The following EWSR1 variants were observed in gnomAD, a reference collection of about 807,000 sequenced individuals.
The protein encoded by EWSR1 is EWS RNA binding protein 1, also known as RNA-binding protein EWS.
Under a neutral mutation model 92.1 loss-of-function variants are expected in EWSR1, and 14 were observed. The observed-to-expected ratio is 0.15, with a 90% CI of 0.10 to 0.24. The LOEUF is 0.24. Among genes scored for constraint, EWSR1 ranks in the 10% least tolerant of loss-of-function variants. The pLI is 1.00. For synonymous variants in EWSR1, 303 were observed against 292.9 expected, an observed-to-expected ratio of 1.03 and a Z score of -0.35; for missense variants, 637 against 870.9, an observed-to-expected ratio of 0.73 and a Z score of 3.38.
rs2060227605 is a variant in EWSR1 at position 29,288,628 on chromosome 22, C to T, written c.816C>T (p.Pro272=). ...GQQSSFRQDH[P]SSMGVYGQES... ...CAGGTTCATTCCGACAGGACCACCC[C>T]AGTAGCATGGGTGTTTATGGGCAGG... The change falls in exon 8 of 17, where the codon CCC becomes CCT. Residue 272 remains proline (P), a synonymous_variant. Coordinates refer to ENST00000397938, the MANE Select transcript of EWSR1 (RefSeq NM_005243.4). The T allele has an allele frequency of 6.2e-7, 1 of 1,613,006 alleles. No individual in the cohort carries two copies. Among genetic ancestry groups the T allele is most frequent in the Non-Finnish European group, 8.5e-7 (1 of 1,179,720 alleles).
At chr22:29,291,695 A>G in intron 9 of EWSR1, 96 bp downstream of exon 9, 1 of 1,198,820 alleles carries the variant, frequency 8.3e-7, no homozygotes, top group East Asian at 2.5e-5. Context: ...TAAGTGGTTT[A>G]AAAATGATCT....
chr22:29,286,686 CAAAAAAAAAAAA>C (rs373796997), intron 6 of EWSR1, among the ~76,000 whole-genome samples: 5 of 76,348 alleles, frequency 6.5e-5, no homozygotes, highest in South Asian at 5.0e-4. Context: ...CACTCTGTCT[CAAAAAAAAAAAA>C]AAAAAAAAAA....
chr22:29,277,823 A>G lies in EWSR1; in HGVS notation c.227-207A>G, dbSNP rs893211048. On this transcript the variant is annotated intron_variant, in intron 4 of 16. Coordinates refer to ENST00000397938, the MANE Select transcript of EWSR1 (RefSeq NM_005243.4). The stretch of plus-strand genomic sequence containing the variant: ...TAGGTGTGGTTTTAGAGCAAATGAG[A>G]CAGTTACTTTACCAAAAACTAGGTA... The G allele has an allele frequency of 5.5e-6, 3 of 543,824 alleles. No homozygotes were observed. The African/African-American group carries it at 5.7e-5, about 10-fold the overall frequency. The allele number at this position is 543,824 out of a possible 1,614,324, so 33.7% of individuals were successfully genotyped here.
intron 7 of EWSR1, 55 bp downstream of exon 7, chr22:29,287,189 G>A (rs2060110210): frequency 1.3e-6 from 2 of 1,538,862 alleles, no homozygotes; most frequent in East Asian, 4.7e-5. Context: ...GAGTTTTTTT[G>A]TGGGGTTGAT....
chr22:29,285,837 C>T (rs188883830), intron 6 of EWSR1, among the ~76,000 whole-genome samples: 3 of 147,126 alleles, frequency 2.0e-5, no homozygotes, highest in Non-Finnish European at 4.4e-5. Flanking sequence ...TTGAAAATGA[C>T]GTTTTGTTTT....
Position 29,278,202 on chromosome 22 carries a change from C to T in EWSR1, c.399C>T (p.Ala133=). 1 of 1,614,030 alleles carries T rather than the reference C, an allele frequency of 6.2e-7. No homozygotes were observed. The highest frequency in any genetic ancestry group is 8.5e-7 in the Non-Finnish European group (1 of 1,179,956). The part of the protein sequence containing the change: ...AYPAYGQQPA[A]TAPTRPQDGN... ...CAGCCTATGGGCAGCAGCCAGCAGC[C>T]ACTGCACCTACAAGGTAAGGCCATG... The change falls in exon 5 of 17, where the codon GCC becomes GCT. Residue 133 remains alanine (A), a synonymous_variant. Coordinates refer to ENST00000397938, the MANE Select transcript of EWSR1 (RefSeq NM_005243.4).
intron 4 of EWSR1, chr22:29,277,459 G>GTAAT (rs1451997035): frequency 4.4e-6 from 1 of 225,324 alleles, no homozygotes; most frequent in Non-Finnish European, 8.8e-6. Flanking sequence ...ATGTGCTCAA[G>GTAAT]TAATTAAGCT....
chr22:29,291,269 G>A (rs2060421907), intron 8 of EWSR1: 3 of 365,320 alleles, frequency 8.2e-6, no homozygotes, highest in Non-Finnish European at 1.5e-5. Context: ...TGACGGGGTG[G>A]GTGTTTGGGA....
intron 1 of EWSR1, 27 bp downstream of exon 1, chr22:29,268,376 C>G (rs779487945): frequency 3.7e-6 from 6 of 1,613,792 alleles, no homozygotes; most frequent in Non-Finnish European, 5.1e-6. Context: ...TGCGGTCGCG[C>G]CGGCGGTAGC....
intron 6 of EWSR1, among the ~76,000 whole-genome samples, chr22:29,286,670 G>C (rs138142582): frequency 0.027 from 3,020 of 110,510 alleles, 103 homozygotes; most frequent in African/African-American, 0.099. Context: ...CTAGGCAACA[G>C]AGCAACACTC....
At chr22:29,287,882 A>AG (rs1485368538) in intron 7 of EWSR1, among the ~76,000 whole-genome samples, 7 of 152,124 alleles carry the variant, frequency 4.6e-5, no homozygotes. Context: ...ATATCCATTA[A>AG]GGGGAAAAAT....
chr22:29,292,762 CTTTTTTTTTTT>C (rs34395867), intron 11 of EWSR1, among the ~76,000 whole-genome samples, 156 bp downstream of exon 11: 1 of 100,844 alleles, frequency 9.9e-6, no homozygotes, highest in Non-Finnish European at 1.9e-5. Flanking sequence ...AAAGATTAGC[CTTTTTTTTTTT>C]TTTTTTTTGA....
intron 1 of EWSR1, among the ~76,000 whole-genome samples, chr22:29,268,787 G>A (rs573803793): frequency 2.1e-4 from 32 of 152,380 alleles, no homozygotes; most frequent in Admixed American, 1.0e-3. Flanking sequence ...CGTTTTCAGG[G>A]TTTCCTGAGA....
intron 12 of EWSR1, among the ~76,000 whole-genome samples, chr22:29,297,226 C>G (rs1191049285): frequency 6.6e-6 from 1 of 152,212 alleles, no homozygotes; most frequent in South Asian, 2.1e-4. Flanking sequence ...TCTCAGCTTA[C>G]TGCAACCTCC....
intron 7 of EWSR1, 89 bp from the exon 8 acceptor site, chr22:29,288,505 TTAGTGCCTTGGA>T: frequency 1.7e-6 from 2 of 1,165,334 alleles, no homozygotes; most frequent in Non-Finnish European, 2.4e-6. Flanking sequence ...GGTGCCTTGG[TTAGTGCCTTGGA>T]ATTGAGGATT....
chr22:29,296,450 A>G, intron 12 of EWSR1, 82 bp downstream of exon 12: 1 of 1,538,470 alleles, frequency 6.5e-7, no homozygotes. Context: ...CATAGGAGCA[A>G]GAAGACCTTC....
At chr22:29,274,226 A>C in intron 4 of EWSR1, 1 of 1,611,270 alleles carries the variant, frequency 6.2e-7, no homozygotes, top group Non-Finnish European at 8.5e-7. Context: ...GCTTCATCTG[A>C]TAGTGTACCC....
At chr22:29,290,678 G>T in intron 8 of EWSR1, 1 of 1,362,052 alleles carries the variant, frequency 7.3e-7, no homozygotes, top group Non-Finnish European at 9.5e-7. Context: ...AAACTTTTGT[G>T]TTTAAAGAGA....
chr22:29,272,551 A>G (rs1377295277), intron 3 of EWSR1, 120 bp downstream of exon 3: 5 of 1,043,076 alleles, frequency 4.8e-6, no homozygotes, highest in African/African-American at 1.6e-5. Context: ...TAAAATACCC[A>G]GGCATTTTAA....
Sources: allele counts gnomAD v4.1 joint callset (sites outside exome capture counted in the v4.1 genomes callset), GRCh38; gene constraint gnomAD v4.1.1; transcripts MANE v1.5; gene names NCBI Gene and HGNC (gene_info 2026-07-23, HGNC 2026-07-21).